C12orf42: variants seen among roughly 807,000 people sequenced by gnomAD.
C12orf42 encodes chromosome 12 open reading frame 42, also known as uncharacterized protein C12orf42.
A neutral mutation model predicts 21.6 loss-of-function variants in C12orf42; 25 were observed. The observed-to-expected ratio is 1.16, with a 90% CI of 0.84 to 1.62. The LOEUF (loss-of-function observed/expected upper bound fraction) is 1.62, where lower values mean the gene tolerates loss of function less well. C12orf42 is among the 40% of genes most tolerant of loss of function. C12orf42 has a pLI of 0.00. For synonymous variants in C12orf42, 174 were observed against 175.0 expected, an observed-to-expected ratio of 0.99 and a Z score of 0.05; for missense variants, 483 against 459.3, an observed-to-expected ratio of 1.05 and a Z score of -0.47.
intron 4 of C12orf42, among the ~76,000 whole-genome samples, chr12:103,362,857 T>C (rs978772950): frequency 1.3e-5 from 2 of 151,944 alleles, no homozygotes; most frequent in African/African-American, 4.8e-5. Context: ...TTATGTTAAA[T>C]GACCAAACCT....
the C12orf42 span, among the ~76,000 whole-genome samples, chr12:103,055,135 A>G: frequency 6.6e-6 from 1 of 151,932 alleles, no homozygotes; most frequent in South Asian, 2.1e-4. Context: ...GAAGTTCTAT[A>G]AAATTGATGT....
chr12:103,494,063 C>T (rs758360891), intron 1 of C12orf42, among the ~76,000 whole-genome samples: 3 of 152,170 alleles, frequency 2.0e-5, no homozygotes, highest in Non-Finnish European at 4.4e-5. Flanking sequence ...TGCTTCTTTT[C>T]TCATTGTAAG....
the C12orf42 span, among the ~76,000 whole-genome samples, chr12:103,223,081 T>A: frequency 1.3e-5 from 2 of 152,238 alleles, no homozygotes; most frequent in Non-Finnish European, 1.5e-5. Flanking sequence ...ATAATTACTC[T>A]TCCTCAACAA....
upstream of C12orf42, among the ~76,000 whole-genome samples, chr12:103,496,866 CTCAT>C (rs900097723): frequency 4.3e-5 from 6 of 141,054 alleles, no homozygotes; most frequent in African/African-American, 1.1e-4. Context: ...CTTGTTAGAT[CTCAT>C]TCAAAGGTCT....
chr12:103,320,538 C>T (rs1269827736), intron 4 of C12orf42, among the ~76,000 whole-genome samples: 2 of 152,152 alleles, frequency 1.3e-5, no homozygotes, highest in Non-Finnish European at 2.9e-5. Context: ...TTATGCAAAG[C>T]AAACTATAAT....
At chr12:103,465,174 C>A (rs1953022577) in intron 2 of C12orf42, among the ~76,000 whole-genome samples, 1 of 152,132 alleles carries the variant, frequency 6.6e-6, no homozygotes, top group Non-Finnish European at 1.5e-5. Context: ...AGCACTGAAT[C>A]TATAAATTAC....
chr12:103,134,990 T>TA, the C12orf42 span, among the ~76,000 whole-genome samples: 7 of 151,486 alleles, frequency 4.6e-5, no homozygotes, highest in African/African-American at 7.3e-5. Flanking sequence ...ACAAAACAAA[T>TA]AAAAAAAATA....
chr12:103,485,909 C>A (rs897616170), intron 1 of C12orf42, among the ~76,000 whole-genome samples: 1 of 152,166 alleles, frequency 6.6e-6, no homozygotes, highest in East Asian at 1.9e-4. Context: ...ACAATCATGT[C>A]ATCTGCAAAC....
At chr12:103,466,090 G>A (rs1953104405) in intron 2 of C12orf42, among the ~76,000 whole-genome samples, 1 of 152,082 alleles carries the variant, frequency 6.6e-6, no homozygotes. Context: ...CCAGCTTTTG[G>A]TATCAGGATG....
chr12:103,271,616 C>T (rs952293541), intron 5 of C12orf42, among the ~76,000 whole-genome samples: 9 of 152,118 alleles, frequency 5.9e-5, no homozygotes, highest in African/African-American at 2.2e-4. Flanking sequence ...AGGTAAAGCA[C>T]TTAGCACTGT....
At chr12:103,273,281 C>T (rs1353961627) in intron 5 of C12orf42, among the ~76,000 whole-genome samples, 1 of 152,106 alleles carries the variant, frequency 6.6e-6, no homozygotes, top group Non-Finnish European at 1.5e-5. Flanking sequence ...CTTCTTTTTT[C>T]ACATAGAGTC....
At chr12:103,100,676 A>T in the C12orf42 span, among the ~76,000 whole-genome samples, 1 of 152,182 alleles carries the variant, frequency 6.6e-6, no homozygotes, top group African/African-American at 2.4e-5. Flanking sequence ...AATGATCATT[A>T]ATTAGAGTGT....
intron 3 of C12orf42, among the ~76,000 whole-genome samples, chr12:103,387,445 C>T (rs891394867): frequency 7.2e-5 from 11 of 152,216 alleles, no homozygotes; most frequent in African/African-American, 2.7e-4. Flanking sequence ...TTACAACCAT[C>T]GAACTGCCAT....
intron 2 of C12orf42, among the ~76,000 whole-genome samples, chr12:103,451,236 T>C (rs1048293012): frequency 1.4e-4 from 21 of 152,162 alleles, no homozygotes; most frequent in African/African-American, 5.1e-4. Context: ...TTTATTTGTT[T>C]ATTTATTTGA....
the C12orf42 span, among the ~76,000 whole-genome samples, chr12:103,101,558 A>T: frequency 2.6e-5 from 4 of 152,218 alleles, no homozygotes; most frequent in Non-Finnish European, 1.5e-5. Context: ...CCCTAAGCTG[A>T]TCACTCCTAA....
intron 3 of C12orf42, among the ~76,000 whole-genome samples, chr12:103,393,700 CT>C (rs1276489607): frequency 3.3e-5 from 5 of 152,238 alleles, no homozygotes. Flanking sequence ...TGCTATATGC[CT>C]TAATTAATGC....
At chr12:103,392,433 A>C (rs1287978014) in intron 3 of C12orf42, among the ~76,000 whole-genome samples, 1 of 152,224 alleles carries the variant, frequency 6.6e-6, no homozygotes, top group East Asian at 1.9e-4. Context: ...GTACTATCAT[A>C]TTAATGTTAA....
At chr12:103,372,487 T>A (rs78851963) in intron 3 of C12orf42, among the ~76,000 whole-genome samples, 19 of 152,156 alleles carry the variant, frequency 1.2e-4, no homozygotes, top group African/African-American at 4.6e-4. Flanking sequence ...CAAGTGTGGC[T>A]CAGGACCCAG....
chr12:103,230,586 A>G, the C12orf42 span, among the ~76,000 whole-genome samples: 1 of 152,244 alleles, frequency 6.6e-6, no homozygotes, highest in Non-Finnish European at 1.5e-5. Flanking sequence ...TCACAGAGTC[A>G]TCTTCAAAGA....
Sources: gnomAD v4.1 joint callset for allele counts (sites outside exome capture counted in the v4.1 genomes callset) on GRCh38, gnomAD v4.1.1 for gene constraint, MANE v1.5 for transcripts, NCBI Gene and HGNC (gene_info 2026-07-23, HGNC 2026-07-21) for gene names.